Variants in ZC3H8 observed in about 807,000 individuals in gnomAD.
ZC3H8 encodes zinc finger CCCH domain-containing protein 8.
A neutral mutation model predicts 42.5 loss-of-function variants in ZC3H8; 27 were observed. The ratio of observed to expected loss-of-function variants is 0.64; its 90% CI spans 0.47 to 0.88. The LOEUF (loss-of-function observed/expected upper bound fraction) is 0.88, where lower values mean the gene tolerates loss of function less well. Ranked by LOEUF, ZC3H8 falls within the 40% of genes least tolerant of loss-of-function variation. The pLI, the probability that ZC3H8 is intolerant of heterozygous loss-of-function variation, is 0.00. For missense variants in ZC3H8, 277 were observed against 336.1 expected (o/e 0.82, Z 1.37); for synonymous variants, 101 against 110.1 (o/e 0.92, Z 0.52).
intron 8 of ZC3H8, among the ~76,000 whole-genome samples, chr2:112,228,797 A>C (rs1684962373): frequency 6.6e-6 from 1 of 152,216 alleles, no homozygotes; most frequent in Non-Finnish European, 1.5e-5. Context: ...ATAAAATAAG[A>C]CAAGCCACAG....
At chr2:112,253,450 A>C (rs1450093223) in intron 1 of ZC3H8, among the ~76,000 whole-genome samples, 4 of 152,244 alleles carry the variant, frequency 2.6e-5, no homozygotes, top group African/African-American at 9.6e-5. Context: ...GATTCATCTG[A>C]CTGCATAAAA....
In ZC3H8 at chr2:112,230,956, AT is replaced by A; in HGVS notation, c.844-7del. The A allele has an allele frequency of 1.6e-6, 2 of 1,242,806 alleles. No homozygotes were observed. The highest frequency in any genetic ancestry group is 1.5e-5 in the South Asian group (1 of 65,556). 77.0% of individuals were successfully genotyped at this position (1,242,806 alleles called of 1,614,324 possible). ...TTCTTTTCAGTATCCAAAACCTAAT[AT>A]AAAAAAAAAATCACATAATCATTTT... On this transcript the variant is annotated splice_polypyrimidine_tract_variant and splice_region_variant and intron_variant, in intron 7 of 8. Coordinates refer to ENST00000409573, the MANE Select transcript of ZC3H8 (RefSeq NM_032494.3).
At chr2:112,222,176 T>C (rs1028232434) in intron 8 of ZC3H8, among the ~76,000 whole-genome samples, 2 of 152,204 alleles carry the variant, frequency 1.3e-5, no homozygotes, top group African/African-American at 4.8e-5. Flanking sequence ...GTTTCTTTTG[T>C]TGAGTGTTCT....
At chr2:112,251,458 G>A (rs1188526352) in intron 1 of ZC3H8, among the ~76,000 whole-genome samples, 1 of 152,178 alleles carries the variant, frequency 6.6e-6, no homozygotes, top group Admixed American at 6.5e-5. Flanking sequence ...TATAGCTATA[G>A]TTTCCAGTAA....
In ZC3H8 at chr2:112,242,182, TA is replaced by T. The variant is rs1217292797; in HGVS notation, c.157-3655del. Reference sequence around the variant, plus strand: ...AAATCTAGAGCTGGAGTCAGTGAACTACAACCCAAGGGCAAAATCCGCTCTG... The same window carrying T: ...AAATCTAGAGCTGGAGTCAGTGAACTCAACCCAAGGGCAAAATCCGCTCTG... On this transcript the variant is annotated intron_variant, in intron 2 of 8. Coordinates refer to ENST00000409573, the MANE Select transcript of ZC3H8 (RefSeq NM_032494.3). Among the ~76,000 whole-genome samples the T allele has an allele frequency of 3.9e-5, 6 of 152,344 alleles. No individual in the cohort carries two copies. The East Asian group carries it at 1.2e-3, about 29-fold the overall frequency.
At chr2:112,248,825 G>C (rs558328043) in intron 2 of ZC3H8, among the ~76,000 whole-genome samples, 7 of 152,156 alleles carry the variant, frequency 4.6e-5, no homozygotes, top group African/African-American at 1.4e-4. Context: ...TTTGGAAATA[G>C]GGTCATTGCA....
At chr2:112,241,997 T>C (rs907306443) in intron 2 of ZC3H8, among the ~76,000 whole-genome samples, 1 of 152,172 alleles carries the variant, frequency 6.6e-6, no homozygotes, top group African/African-American at 2.4e-5. Flanking sequence ...AAACCTCCTA[T>C]CCACACAGCC....
Position 112,234,107 on chromosome 2 carries a change from C to T in ZC3H8, c.621+13G>A. The T allele has an allele frequency of 6.9e-7, 1 of 1,441,846 alleles. No homozygotes were observed. The allele number at this position is 1,441,846 out of a possible 1,614,324, so 89.3% of individuals were successfully genotyped here. On this transcript the variant is annotated intron_variant, in intron 5 of 8. Transcript: ENST00000409573. ...TTACATTTTAGTAGATTTTTGCTTA[C>T]ACATTTTTATACCTTAATACATTTC... is the stretch of plus-strand genomic sequence containing the variant.
chr2:112,229,281 T>C (rs996307200), intron 8 of ZC3H8, among the ~76,000 whole-genome samples: 2 of 152,190 alleles, frequency 1.3e-5, no homozygotes, highest in Non-Finnish European at 2.9e-5. Flanking sequence ...AAGAATGATA[T>C]GAGGCCTCTA....
Position 112,230,961 on chromosome 2 carries a change from A to C in ZC3H8, c.844-11T>G. 1 of 1,238,378 alleles carries C rather than the reference A, an allele frequency of 8.1e-7. No homozygotes were observed. The highest frequency in any genetic ancestry group is 1.5e-5 in the South Asian group (1 of 65,196). The allele number at this position is 1,238,378 out of a possible 1,614,324, so 76.7% of individuals were successfully genotyped here. On this transcript the variant is annotated splice_polypyrimidine_tract_variant and intron_variant, in intron 7 of 8. Transcript: ENST00000409573. ...TTCAGTATCCAAAACCTAATATAAA[A>C]AAAAAATCACATAATCATTTTTATG...
In ZC3H8 at chr2:112,214,623, G is replaced by A. The variant is rs1166611622; in HGVS notation, c.*1861C>T. On this transcript the variant is annotated 3_prime_UTR_variant, in exon 9 of 9. Transcript: ENST00000409573. The stretch of plus-strand genomic sequence containing the variant: ...GGTGATAGAGTACTTTGGACGAATG[G>A]CTCTTGAGACGAATGGCTCTTGGTT... 6.6e-6 allele frequency: 1 copy of A among 152,166 alleles called. No homozygotes were observed. The highest frequency in any genetic ancestry group is 2.4e-5 in the African/African-American group (1 of 41,420). The allele number at this position is 152,166 out of a possible 1,614,324, so 9.4% of individuals were successfully genotyped here.
At chr2:112,229,021 G>A (rs1639915637) in intron 8 of ZC3H8, among the ~76,000 whole-genome samples, 1 of 152,176 alleles carries the variant, frequency 6.6e-6, no homozygotes, top group African/African-American at 2.4e-5. Context: ...TACTGGAAAA[G>A]CTATAATCAA....
chr2:112,251,021 A>C (rs1339389415), intron 1 of ZC3H8, among the ~76,000 whole-genome samples: 2 of 152,234 alleles, frequency 1.3e-5, no homozygotes, highest in African/African-American at 4.8e-5. Flanking sequence ...AAATATAAGA[A>C]CATGGTGAAC....
chr2:112,249,592 T>G (rs1309181447), intron 2 of ZC3H8, among the ~76,000 whole-genome samples: 1 of 152,126 alleles, frequency 6.6e-6, no homozygotes, highest in Non-Finnish European at 1.5e-5. Context: ...TACAGGTGCA[T>G]GCCACCATGC....
At chr2:112,248,926 C>A (rs923965359) in intron 2 of ZC3H8, among the ~76,000 whole-genome samples, 1 of 152,052 alleles carries the variant, frequency 6.6e-6, no homozygotes, top group Non-Finnish European at 1.5e-5. Flanking sequence ...CGGGCACAGT[C>A]GCTCAGGCCT....
chr2:112,235,476 T>A (rs956871903), intron 4 of ZC3H8, among the ~76,000 whole-genome samples: 3 of 152,218 alleles, frequency 2.0e-5, no homozygotes, highest in Non-Finnish European at 4.4e-5. Flanking sequence ...GGTAATTACC[T>A]GAACCACAGG....
chr2:112,252,286 C>T (rs557925878), intron 1 of ZC3H8, among the ~76,000 whole-genome samples: 23 of 152,292 alleles, frequency 1.5e-4, no homozygotes, highest in African/African-American at 5.3e-4. Context: ...CTATCTAAAA[C>T]GGCAACACCA....
intron 2 of ZC3H8, among the ~76,000 whole-genome samples, chr2:112,244,584 G>T (rs1013485472): frequency 8.5e-5 from 13 of 152,094 alleles, no homozygotes; most frequent in African/African-American, 2.9e-4. Flanking sequence ...ACAGATTGAA[G>T]GTCTGTGGCA....
intron 6 of ZC3H8, 147 bp downstream of exon 6, chr2:112,233,113 C>T (rs1029873335): frequency 2.8e-5 from 15 of 542,474 alleles, no homozygotes; most frequent in Admixed American, 8.2e-5. Flanking sequence ...AAAAAATCCA[C>T]GTACAATTTA....
Sources: allele counts gnomAD v4.1 joint callset (sites outside exome capture counted in the v4.1 genomes callset), GRCh38; gene constraint gnomAD v4.1.1; transcripts MANE v1.5; gene names NCBI Gene and HGNC (gene_info 2026-07-23, HGNC 2026-07-21).